TIAM2: variants seen among roughly 807,000 people sequenced by gnomAD.
TIAM2 encodes TIAM Rac1 associated GEF 2, also known as rho guanine nucleotide exchange factor TIAM2.
In TIAM2, 80 loss-of-function variants were observed where a neutral mutation model predicts 152.9. The ratio of observed to expected loss-of-function variants is 0.52; its 90% confidence interval spans 0.44 to 0.63. The LOEUF (loss-of-function observed/expected upper bound fraction) is 0.63. Ranked by LOEUF, TIAM2 falls within the 30% of genes least tolerant of loss-of-function variation. TIAM2 has a pLI of 0.00. For missense variants in TIAM2, 1,965 were observed against 2,120.1 expected (o/e 0.93, Z 1.44); for synonymous variants, 804 against 838.0 (o/e 0.96, Z 0.70).
chr6:155,016,423 G>A (rs377677509), intron 1 of TIAM2: 2 of 151,456 alleles, frequency 1.3e-5, no homozygotes, highest in Admixed American at 1.3e-4. Flanking sequence ...AAAAATTATT[G>A]TGTAGATGTT....
chr6:155,217,199 G>A (rs1781881246), intron 15 of TIAM2: 3 of 1,195,572 alleles, frequency 2.5e-6, no homozygotes. Flanking sequence ...CTCTAAAAAT[G>A]TCTAAAGACT....
intron 2 of TIAM2, among the ~76,000 whole-genome samples, chr6:155,100,272 G>A (rs1030330991): frequency 1.3e-5 from 2 of 152,212 alleles, no homozygotes; most frequent in South Asian, 4.1e-4. Flanking sequence ...GGAGCATAGA[G>A]CAGGAGGCAG....
intron 7 of TIAM2, among the ~76,000 whole-genome samples, chr6:155,157,494 A>G (rs1457060532): frequency 2.6e-5 from 4 of 151,258 alleles, no homozygotes; most frequent in Non-Finnish European, 4.4e-5. Context: ...AAAAATAGAG[A>G]CGAGGTCTCG....
At chr6:155,178,158 C>G (rs992049302) in intron 10 of TIAM2, among the ~76,000 whole-genome samples, 2 of 122,534 alleles carry the variant, frequency 1.6e-5, no homozygotes, top group Non-Finnish European at 3.2e-5. Flanking sequence ...AAGACTCCGT[C>G]TCAAATTAAA....
chr6:155,211,233 G>A lies in TIAM2; in HGVS notation c.3094G>A (p.Gly1032Ser), dbSNP rs1781709626. The change falls in exon 15 of 27, where the codon GGT (glycine) becomes AGT (serine). Residue 1032 changes from glycine to serine, a missense_variant. Gly to Ser is a moderately conservative substitution (Grantham distance 56, BLOSUM62 0). Around this residue, in one of 3 missense-constraint regions of TIAM2, gnomAD observed 935 missense variants for 980.0 expected, o/e 0.95. Transcript: ENST00000682666. Reference sequence around the variant, plus strand: ...CAGCAACGTCCCTGATATCACAACAGGTCTGAAAAGGAGTCAGACAGATGG... The same window carrying A: ...CAGCAACGTCCCTGATATCACAACAAGTCTGAAAAGGAGTCAGACAGATGG... ...DFSNVPDITTGLKRSQTDGTL... is the reference protein window; with the variant it reads ...DFSNVPDITTSLKRSQTDGTL... 1 of 1,613,426 alleles carries A rather than the reference G, an allele frequency of 6.2e-7. No individual in the cohort carries two copies.
intron 1 of TIAM2, among the ~76,000 whole-genome samples, chr6:155,068,431 G>A (rs943986256): frequency 6.6e-6 from 1 of 151,994 alleles, no homozygotes; most frequent in African/African-American, 2.4e-5. Context: ...AGACAGAAGT[G>A]GTTACAGTTA....
chr6:155,035,504 A>T (rs1391644399), intron 1 of TIAM2, among the ~76,000 whole-genome samples: 1 of 152,172 alleles, frequency 6.6e-6, no homozygotes, highest in Admixed American at 6.5e-5. Context: ...AACAGGCGTG[A>T]GACTACCCAG....
At chr6:155,172,651 TATATATATATATATATATATATATATA>T (rs1780615681) in intron 9 of TIAM2, among the ~76,000 whole-genome samples, 1 of 14,824 alleles carries the variant, frequency 6.7e-5, no homozygotes, top group Non-Finnish European at 1.2e-4. Context: ...AATATATATA[TATATATATATATATATATATATATATA>T]TATATATATT....
At chr6:155,162,622 CAT>C (rs1474466348) in intron 7 of TIAM2, among the ~76,000 whole-genome samples, 17 of 152,182 alleles carry the variant, frequency 1.1e-4, no homozygotes, top group African/African-American at 3.9e-4. Context: ...GAACAGGAGT[CAT>C]CAGTAATAAG....
chr6:155,141,912 T>G (rs1779715967), intron 5 of TIAM2, among the ~76,000 whole-genome samples: 1 of 152,196 alleles, frequency 6.6e-6, no homozygotes, highest in South Asian at 2.1e-4. Context: ...GTCTCTATTC[T>G]TGTACTGCCA....
chr6:155,014,412 G>A (rs1778539509), intron 1 of TIAM2, among the ~76,000 whole-genome samples: 1 of 151,956 alleles, frequency 6.6e-6, no homozygotes, highest in Non-Finnish European at 1.5e-5. Flanking sequence ...TAGTTTTTGT[G>A]TTTTGTCTCT....
intron 14 of TIAM2, among the ~76,000 whole-genome samples, chr6:155,197,522 T>C (rs17812192): frequency 0.1 from 15,523 of 152,142 alleles, 958 homozygotes; most frequent in South Asian, 0.16. Context: ...TAGCTCCATA[T>C]GGATGTTCTT....
chr6:155,164,619 C>G lies in TIAM2; in HGVS notation c.2214+19C>G, dbSNP rs372226891. On this transcript the variant is annotated intron_variant, in intron 8 of 26. Transcript: ENST00000682666. The stretch of plus-strand genomic sequence containing the variant: ...TGCTCTGGTAAGTTCCTGAGGAAGG[C>G]TGTTTCTGCAGCATTCGGGGAGGGC... 3.1e-5 allele frequency: 50 copies of G among 1,595,004 alleles called. No individual in the cohort carries two copies. The African/African-American group carries it at 6.4e-4, about 21-fold the overall frequency.
At position 155,214,934 on chromosome 6, in the gene TIAM2, C is replaced by A. The variant is rs903399039; in HGVS notation, c.3168+3627C>A. On this transcript the variant is annotated intron_variant, in intron 15 of 26. Coordinates refer to ENST00000682666, the MANE Select transcript of TIAM2 (RefSeq NM_012454.4). The surrounding 1 kb of genome is among the most constrained non-coding windows in gnomAD (Gnocchi z 5.4). ...GGAATTACAGGTGTGAGTCACTGTGCCTGGCCTGACTTAAAATTTTTTAGA... is the reference window on the plus strand; with the variant it reads ...GGAATTACAGGTGTGAGTCACTGTGACTGGCCTGACTTAAAATTTTTTAGA... Among the ~76,000 whole-genome samples the A allele has an allele frequency of 6.6e-6, 1 of 152,134 alleles. No individual in the cohort carries two copies. Among genetic ancestry groups the A allele is most frequent in the African/African-American group, 2.4e-5 (1 of 41,406 alleles).
intron 1 of TIAM2, among the ~76,000 whole-genome samples, chr6:155,060,815 A>T (rs1332339940): frequency 6.6e-6 from 1 of 152,176 alleles, no homozygotes. Context: ...GAATCACTTG[A>T]TCCCAGGAGG....
chr6:155,256,384 T>TAA (rs1784026404), intron 26 of TIAM2, 100 bp from the exon 27 acceptor site: 2 of 1,532,218 alleles, frequency 1.3e-6, no homozygotes, highest in Non-Finnish European at 1.8e-6. Flanking sequence ...TATCATAAAA[T>TAA]AAAATCTTAA....
intron 1 of TIAM2, among the ~76,000 whole-genome samples, chr6:155,068,159 T>C (rs1583175268): frequency 6.6e-6 from 1 of 152,292 alleles, no homozygotes; most frequent in African/African-American, 2.4e-5. Flanking sequence ...GCGCCAGAGT[T>C]TCCAGCCTCT....
intron 9 of TIAM2, among the ~76,000 whole-genome samples, chr6:155,165,926 C>A (rs1780424579): frequency 6.6e-6 from 1 of 152,060 alleles, no homozygotes; most frequent in Non-Finnish European, 1.5e-5. Flanking sequence ...GCGTGCAGTG[C>A]TTAAGAACAG....
intron 7 of TIAM2, among the ~76,000 whole-genome samples, chr6:155,161,583 T>TTTC (rs777125234): frequency 7.3e-5 from 11 of 150,994 alleles, no homozygotes; most frequent in Admixed American, 2.6e-4. Flanking sequence ...TTTTTTTTTT[T>TTTC]CTGAGATGGA....
Sources: gnomAD v4.1 joint callset for allele counts (sites outside exome capture counted in the v4.1 genomes callset) on GRCh38, gnomAD v4.1.1 for gene constraint, gnomAD v4.1.1 regional missense constraint, Gnocchi (gnomAD v3.1) non-coding constraint, MANE v1.5 for transcripts, NCBI Gene and HGNC (gene_info 2026-07-23, HGNC 2026-07-21) for gene names.